CACNA2D3: variants seen among roughly 807,000 people sequenced by gnomAD.
CACNA2D3 encodes calcium voltage-gated channel auxiliary subunit alpha2delta 3, also known as voltage-dependent calcium channel subunit alpha-2/delta-3.
A neutral mutation model predicts 160.6 loss-of-function variants in CACNA2D3; 60 were observed. The ratio of observed to expected loss-of-function variants is 0.37; its 90% CI spans 0.30 to 0.46. The LOEUF (loss-of-function observed/expected upper bound fraction) is 0.46. CACNA2D3 is among the 20% of genes least tolerant of loss of function. The pLI is 1.00. For synonymous variants in CACNA2D3, 558 were observed against 492.9 expected (o/e 1.13, Z -1.75); for missense variants, 1,205 against 1,365.0 (o/e 0.88, Z 1.85).
intron 27 of CACNA2D3, among the ~76,000 whole-genome samples, chr3:54,963,382 T>C (rs1174536588): frequency 6.6e-6 from 1 of 152,138 alleles, no homozygotes; most frequent in Non-Finnish European, 1.5e-5. Flanking sequence ...CATCGTCCAG[T>C]AGAAGTCTCT....
intron 4 of CACNA2D3, among the ~76,000 whole-genome samples, chr3:54,431,436 G>A (rs1699989316): frequency 6.6e-6 from 1 of 152,006 alleles, no homozygotes; most frequent in African/African-American, 2.4e-5. Flanking sequence ...CATCCTCATT[G>A]TCTTCACATT....
intron 4 of CACNA2D3, among the ~76,000 whole-genome samples, chr3:54,462,983 T>G (rs540663598): frequency 1.3e-5 from 2 of 151,128 alleles, no homozygotes; most frequent in Non-Finnish European, 2.9e-5. Context: ...GGTGACAAAA[T>G]CTCTCAGCAT....
intron 2 of CACNA2D3, among the ~76,000 whole-genome samples, chr3:54,202,183 C>T (rs1192880279): frequency 2.0e-5 from 3 of 152,216 alleles, no homozygotes; most frequent in Admixed American, 6.5e-5. Flanking sequence ...GGAAGGGAAG[C>T]GTGGGAGTTG....
At chr3:54,765,123 A>C (rs753768823) in intron 13 of CACNA2D3, among the ~76,000 whole-genome samples, 15 of 152,126 alleles carry the variant, frequency 9.9e-5, no homozygotes, top group Non-Finnish European at 1.6e-4. Flanking sequence ...ACTGTAACCC[A>C]GACACAGCTG....
At chr3:54,904,834 C>T (rs1206700991) in intron 27 of CACNA2D3, among the ~76,000 whole-genome samples, 2 of 152,162 alleles carry the variant, frequency 1.3e-5, no homozygotes, top group Non-Finnish European at 2.9e-5. Context: ...CAGATAATCA[C>T]TCAGTAGCTA....
chr3:54,746,300 CAATG>C (rs1398759016), intron 11 of CACNA2D3, among the ~76,000 whole-genome samples: 1 of 152,160 alleles, frequency 6.6e-6, no homozygotes, highest in African/African-American at 2.4e-5. Flanking sequence ...GAGCAAATAA[CAATG>C]AAAGTTGGTT....
chr3:54,407,306 A>G (rs1409352337), intron 4 of CACNA2D3, among the ~76,000 whole-genome samples: 1 of 152,198 alleles, frequency 6.6e-6, no homozygotes, highest in Non-Finnish European at 1.5e-5. Flanking sequence ...TCACATCTGT[A>G]GGAGAAATAA....
chr3:54,960,187 T>A (rs1382610329), intron 27 of CACNA2D3, among the ~76,000 whole-genome samples: 1 of 152,086 alleles, frequency 6.6e-6, no homozygotes, highest in African/African-American at 2.4e-5. Flanking sequence ...TAGGGATGGT[T>A]ACAGATTAAA....
chr3:54,835,325 C>T (rs1457927600), intron 14 of CACNA2D3, among the ~76,000 whole-genome samples: 1 of 152,182 alleles, frequency 6.6e-6, no homozygotes, highest in Non-Finnish European at 1.5e-5. Flanking sequence ...ACGAATGCTT[C>T]TTGCATTTTA....
chr3:54,275,488 A>G (rs1183541778), intron 2 of CACNA2D3, among the ~76,000 whole-genome samples: 1 of 152,354 alleles, frequency 6.6e-6, no homozygotes, highest in African/African-American at 2.4e-5. Context: ...GATTTGTGAT[A>G]TAATAATATA....
chr3:54,685,405 A>G (rs1700431414), intron 11 of CACNA2D3, among the ~76,000 whole-genome samples: 1 of 152,242 alleles, frequency 6.6e-6, no homozygotes, highest in South Asian at 2.1e-4. Flanking sequence ...CAGTTTTCCA[A>G]TAAAACTTTA....
chr3:54,604,649 C>T (rs550376486), intron 9 of CACNA2D3, among the ~76,000 whole-genome samples: 28 of 152,274 alleles, frequency 1.8e-4, no homozygotes, highest in South Asian at 4.1e-4. Context: ...CCTCTGGCCA[C>T]GCTTTACCCA....
chr3:54,575,915 C>T (rs948851101), intron 8 of CACNA2D3, among the ~76,000 whole-genome samples: 4 of 152,048 alleles, frequency 2.6e-5, no homozygotes, highest in Non-Finnish European at 4.4e-5. Flanking sequence ...GTGTCTGGAT[C>T]ACATAGGGGG....
chr3:54,620,068 A>G (rs1307251113), intron 9 of CACNA2D3, among the ~76,000 whole-genome samples: 2 of 152,186 alleles, frequency 1.3e-5, no homozygotes, highest in Admixed American at 1.3e-4. Context: ...GGGCTTCTGC[A>G]CTTTGGGTTT....
intron 35 of CACNA2D3, among the ~76,000 whole-genome samples, chr3:55,071,499 A>C (rs893813630): frequency 6.6e-6 from 1 of 152,228 alleles, no homozygotes; most frequent in Non-Finnish European, 1.5e-5. Flanking sequence ...AGAGATTTAG[A>C]ATATAGACAC....
chr3:54,661,987 T>C (rs1277702661), intron 11 of CACNA2D3, among the ~76,000 whole-genome samples: 1 of 152,180 alleles, frequency 6.6e-6, no homozygotes, highest in Non-Finnish European at 1.5e-5. Context: ...GTTAATATTT[T>C]CCTTAATGAC....
intron 2 of CACNA2D3, among the ~76,000 whole-genome samples, chr3:54,287,251 A>G (rs1001883060): frequency 2.6e-5 from 4 of 152,180 alleles, no homozygotes; most frequent in African/African-American, 9.7e-5. Flanking sequence ...AGCAAATGGA[A>G]AACAAAAAAA....
In CACNA2D3 at chr3:54,847,789, T is replaced by C. The variant is rs1698967957; in HGVS notation, c.1626+1322T>C. On this transcript the variant is annotated intron_variant, in intron 17 of 37. Coordinates refer to ENST00000474759, the MANE Select transcript of CACNA2D3 (RefSeq NM_018398.3). ...ATTTAAGTCCAAAGACATATTGAAG[T>C]TTAAAACTCTTAGCACATTACCCAT... Among the ~76,000 whole-genome samples, 3 of 152,218 alleles carry C rather than the reference T, an allele frequency of 2.0e-5. No homozygotes were observed. The South Asian group carries it at 6.2e-4, about 31-fold the overall frequency.
intron 13 of CACNA2D3, among the ~76,000 whole-genome samples, chr3:54,808,821 G>T (rs1467497626): frequency 6.6e-6 from 1 of 152,110 alleles, no homozygotes; most frequent in Non-Finnish European, 1.5e-5. Context: ...TCAGTGAGAG[G>T]GGTTCTGATA....
Sources: gnomAD v4.1 joint callset for allele counts (sites outside exome capture counted in the v4.1 genomes callset) on GRCh38, gnomAD v4.1.1 for gene constraint, MANE v1.5 for transcripts, NCBI Gene and HGNC (gene_info 2026-07-23, HGNC 2026-07-21) for gene names.